Variants in REV3L observed in about 807,000 individuals in gnomAD.
REV3L encodes DNA polymerase zeta catalytic subunit.
Under a neutral mutation model 299.4 loss-of-function variants are expected in REV3L, and 69 were observed. The observed-to-expected ratio is 0.23, with a 90% CI of 0.19 to 0.28. REV3L has a LOEUF of 0.28. Among genes scored for constraint, REV3L ranks in the 10% least tolerant of loss-of-function variants. The pLI is 1.00. For missense variants in REV3L, 3,128 were observed against 3,693.8 expected (o/e 0.85, Z 3.97); for synonymous variants, 1,238 against 1,271.4 (o/e 0.97, Z 0.56).
intron 1 of REV3L, among the ~76,000 whole-genome samples, chr6:111,448,332 CT>C (rs1180380970): frequency 6.6e-6 from 1 of 151,682 alleles, no homozygotes; most frequent in African/African-American, 2.4e-5. Context: ...TGGAGGTTTT[CT>C]TTTTTTTCTT....
In REV3L at chr6:111,367,128, G is replaced by A. The variant is rs767446961; in HGVS notation, c.6660C>T (p.Ser2220=). ...LERLPEAPGL[S]PLSTEPKTQK... ...TTGTACACTTACCTGTTGATAATGG[G>A]CTAAGGCCAGGTGCTTCAGGAAGCC... is the stretch of plus-strand genomic sequence containing the variant. The change falls in exon 14 of 32, where the codon AGC becomes AGT. Residue 2220 remains serine, a synonymous_variant. Coordinates refer to ENST00000368802, the MANE Select transcript of REV3L (RefSeq NM_001372078.1). 7 of 1,590,848 alleles carry A rather than the reference G, an allele frequency of 4.4e-6. No homozygotes were observed. The highest frequency in any genetic ancestry group is 1.2e-5 in the South Asian group (1 of 86,570).
At position 111,422,663 on chromosome 6, in the gene REV3L, C is replaced by CATATAT. The variant is rs59939393; in HGVS notation, c.140-6197_140-6192dup. Among the ~76,000 whole-genome samples the CATATAT allele has an allele frequency of 2.4e-3, 42 of 17,872 alleles. 4 individuals carry two copies. Among genetic ancestry groups the CATATAT allele is most frequent in the African/African-American group, 5.0e-3 (41 of 8,236 alleles). The allele number at this position is 17,872 out of a possible 152,430, so 11.7% of individuals were successfully genotyped here. ...ATATATATATACATATATATATATA[C>CATATAT]ATATATATATATATACGTATATATA... is the stretch of plus-strand genomic sequence containing the variant. On this transcript the variant is annotated intron_variant, in intron 1 of 31. Transcript: ENST00000368802.
chr6:111,342,390 C>T (rs1019478573), intron 21 of REV3L, among the ~76,000 whole-genome samples: 8 of 152,150 alleles, frequency 5.3e-5, no homozygotes, highest in South Asian at 2.1e-4. Flanking sequence ...AGATCCAGGC[C>T]GGGCACGGTG....
chr6:111,465,086 T>G (rs1431933248), intron 1 of REV3L, among the ~76,000 whole-genome samples: 52 of 54,304 alleles, frequency 9.6e-4, no homozygotes, highest in Non-Finnish European at 2.8e-3. Context: ...TTTTTATTTG[T>G]TTTTTTTTTT....
intron 1 of REV3L, among the ~76,000 whole-genome samples, chr6:111,470,133 GA>G (rs1002974407): frequency 1.2e-4 from 18 of 145,576 alleles, no homozygotes; most frequent in African/African-American, 3.5e-4. Flanking sequence ...TATTGCTTCA[GA>G]AAAAAAAAAT....
chr6:111,373,525 G>A lies in REV3L; in HGVS notation c.4830C>T (p.Ser1610=). 6.2e-7 allele frequency: 1 copy of A among 1,613,342 alleles called. No individual in the cohort carries two copies. Among genetic ancestry groups the A allele is most frequent in the Non-Finnish European group, 8.5e-7 (1 of 1,179,794 alleles). Residue 1610 remains serine, a synonymous_variant, in exon 13 of 32, where the codon AGC becomes AGT. Transcript: ENST00000368802. ...CATCTGATACAGAGTTATCCAACTG[G>A]CTAGAGTTTTGTAAATTTAAAGAGT... ...KVDSLNLQNS[S]QLDNSVSDDS... is the part of the protein sequence containing the mutation.
At chr6:111,313,047 T>C (rs1773148559) in intron 28 of REV3L, 1 of 231,102 alleles carries the variant, frequency 4.3e-6, no homozygotes, top group East Asian at 8.9e-5. Context: ...AATAAAATTC[T>C]AGCTACTCAG....
rs550826356 is a variant in REV3L at position 111,413,916 on chromosome 6, T to C, written c.330-2362A>G. ...TATATATAGGAAAGTTATTAGAAAC[T>C]ATCAAGAATAAACAAAACTAAAAGA... On this transcript the variant is annotated intron_variant, in intron 2 of 31. Transcript: ENST00000368802. 7.9e-5 allele frequency among the ~76,000 whole-genome samples: 12 copies of C among 152,114 alleles called. No homozygotes were observed. In the East Asian group the frequency reaches 2.3e-3, roughly 29 times the overall value.
intron 1 of REV3L, among the ~76,000 whole-genome samples, chr6:111,429,279 G>A (rs957711247): frequency 1.3e-5 from 2 of 152,158 alleles, no homozygotes; most frequent in African/African-American, 4.8e-5. Context: ...CTCCCAAAGT[G>A]CTAGGATTAT....
At chr6:111,335,694 A>G (rs1339289260) in intron 21 of REV3L, 84 bp from the exon 22 acceptor site, 3 of 1,378,448 alleles carry the variant, frequency 2.2e-6, no homozygotes, top group African/African-American at 2.9e-5. Flanking sequence ...CCAAAAATCT[A>G]CATGCTAAAA....
At chr6:111,423,165 A>G (rs539647823) in intron 1 of REV3L, among the ~76,000 whole-genome samples, 1 of 152,320 alleles carries the variant, frequency 6.6e-6, no homozygotes, top group Non-Finnish European at 1.5e-5. Context: ...CTTCATGACT[A>G]TAAAGCCACT....
intron 3 of REV3L, among the ~76,000 whole-genome samples, chr6:111,408,602 AAAAACAAAACAAAACAAAAC>A (rs75742786): frequency 4.2e-4 from 62 of 148,120 alleles, no homozygotes; most frequent in African/African-American, 1.2e-3. Context: ...ACTCCATCTT[AAAAACAAAACAAAACAAAAC>A]AAAACAAAAC....
intron 1 of REV3L, among the ~76,000 whole-genome samples, chr6:111,466,104 A>T (rs770599516): frequency 1.2e-3 from 180 of 152,338 alleles, no homozygotes; most frequent in African/African-American, 1.9e-3. Flanking sequence ...AATAATTTTT[A>T]AAAATGGAGG....
intron 31 of REV3L, among the ~76,000 whole-genome samples, chr6:111,300,788 C>G (rs1582399420): frequency 6.6e-6 from 1 of 152,170 alleles, no homozygotes; most frequent in East Asian, 1.9e-4. Flanking sequence ...TCTCCGTAAG[C>G]TGAGGATGTA....
intron 26 of REV3L, among the ~76,000 whole-genome samples, chr6:111,316,055 A>G (rs967630511): frequency 1.3e-5 from 2 of 152,124 alleles, no homozygotes; most frequent in African/African-American, 4.8e-5. Flanking sequence ...TCTGACCAAC[A>G]TGGTGAAACC....
At chr6:111,478,282 C>T (rs118058010) in intron 1 of REV3L, among the ~76,000 whole-genome samples, 157 of 152,240 alleles carry the variant, frequency 1.0e-3, no homozygotes, top group East Asian at 9.1e-3. Context: ...ATTTGACTTA[C>T]GTTTACATGC....
chr6:111,375,235 T>C lies in REV3L; in HGVS notation c.3120A>G (p.Leu1040=), dbSNP rs1457092014. Reference sequence around the variant, plus strand: ...TTCTTCTGTGACTTTTCTTTGGTGTTAGTGGATAAATGGGATATTTGGTTG... The same window carrying C: ...TTCTTCTGTGACTTTTCTTTGGTGTCAGTGGATAAATGGGATATTTGGTTG... ...SPATKYPIYP[L]TPKKSHRRKS... Residue 1040 remains leucine (L), a synonymous_variant, in exon 13 of 32, where the codon CTA becomes CTG. Coordinates refer to ENST00000368802, the MANE Select transcript of REV3L (RefSeq NM_001372078.1). The C allele has an allele frequency of 3.1e-6, 5 of 1,612,706 alleles. No individual in the cohort carries two copies. The highest frequency in any genetic ancestry group is 4.2e-6 in the Non-Finnish European group (5 of 1,179,748).
intron 25 of REV3L, among the ~76,000 whole-genome samples, chr6:111,324,594 A>C (rs1275449307): frequency 1.3e-5 from 2 of 152,212 alleles, no homozygotes; most frequent in African/African-American, 4.8e-5. Flanking sequence ...TGTCTGCCTA[A>C]TGCTCTTACT....
At chr6:111,302,559 T>C (rs75710230) in intron 31 of REV3L, among the ~76,000 whole-genome samples, 5,031 of 152,230 alleles carry the variant, frequency 0.033, 257 homozygotes, top group African/African-American at 0.11. Context: ...TTAAAAAATA[T>C]CTGCTTTAAT....
Sources: allele counts gnomAD v4.1 joint callset (sites outside exome capture counted in the v4.1 genomes callset), GRCh38; gene constraint gnomAD v4.1.1; transcripts MANE v1.5; gene names NCBI Gene and HGNC (gene_info 2026-07-23, HGNC 2026-07-21).